Variants in FBXL20 observed in about 807,000 individuals in gnomAD.
The protein encoded by FBXL20 is F-box/LRR-repeat protein 20.
In FBXL20, 11 loss-of-function variants were observed where a neutral mutation model predicts 64.0. The observed-to-expected ratio is 0.17, with a 90% CI of 0.11 to 0.28. FBXL20 has a LOEUF of 0.28. Ranked by LOEUF, FBXL20 falls within the 10% of genes least tolerant of loss-of-function variation. FBXL20 has a pLI of 1.00. For synonymous variants in FBXL20, 184 were observed against 189.0 expected (o/e 0.97, Z 0.22); for missense variants, 303 against 526.2 (o/e 0.58, Z 4.15).
At chr17:39,402,187 C>T (rs2048254747), upstream of FBXL20, 26 of 1,232,504 alleles carry the variant, frequency 2.1e-5, no homozygotes, top group Non-Finnish European at 2.5e-5. Flanking sequence ...GCCTTGAACC[C>T]AAAGTGCAGC....
intron 2 of FBXL20, among the ~76,000 whole-genome samples, chr17:39,337,549 T>C (rs2047536451): frequency 6.7e-6 from 1 of 149,238 alleles, no homozygotes; most frequent in Admixed American, 6.7e-5. Context: ...GGAGCGCCTC[T>C]GCCCCGCCGC....
At chr17:39,307,679 T>TA (rs980885135) in intron 2 of FBXL20, among the ~76,000 whole-genome samples, 70 of 151,820 alleles carry the variant, frequency 4.6e-4, no homozygotes, top group Admixed American at 7.2e-4. Flanking sequence ...CAGAATATGT[T>TA]AAAAAAAAGA....
Position 39,302,268 on chromosome 17 carries a change from G to C in FBXL20, c.160-1193C>G, listed in dbSNP as rs118120345. The stretch of plus-strand genomic sequence containing the variant: ...ACTGTCACCTGGGATGGAGTGCAGT[G>C]GCTCAATCATGGGTCACTTGCAGCC... On this transcript the variant is annotated intron_variant, in intron 3 of 14. Coordinates refer to ENST00000264658, the MANE Select transcript of FBXL20 (RefSeq NM_032875.3). Among the ~76,000 whole-genome samples the C allele has an allele frequency of 4.1e-3, 623 of 152,014 alleles. 16 individuals are homozygous for C. Among genetic ancestry groups the C allele is most frequent in the Admixed American group, 0.029 (446 of 15,252 alleles).
intron 1 of FBXL20, among the ~76,000 whole-genome samples, chr17:39,359,257 G>C (rs1379001092): frequency 6.6e-6 from 1 of 152,158 alleles, no homozygotes; most frequent in Admixed American, 6.5e-5. Context: ...AATGGCTTGA[G>C]TCCAGGAGGT....
intron 4 of FBXL20, 142 bp from the exon 5 acceptor site, chr17:39,299,226 T>C: frequency 1.6e-6 from 1 of 618,518 alleles, no homozygotes; most frequent in Non-Finnish European, 2.8e-6. Context: ...TAACTTACCC[T>C]GAGAAAGCTT....
At chr17:39,272,701 C>CAAAAAAAAAAAAAAAAAAAAAAAAAA (rs56138431) in intron 10 of FBXL20, among the ~76,000 whole-genome samples, 1 of 98,880 alleles carries the variant, frequency 1.0e-5, no homozygotes, top group African/African-American at 3.7e-5. Flanking sequence ...AACTCTATCT[C>CAAAAAAAAAAAAAAAAAAAAAAAAAA]AAAAAAAAAA....
chr17:39,386,555 C>T (rs1445175320), intron 1 of FBXL20, among the ~76,000 whole-genome samples: 2 of 152,056 alleles, frequency 1.3e-5, no homozygotes, highest in South Asian at 2.1e-4. Flanking sequence ...ACCCGGGAGG[C>T]GGAGGTTGCA....
chr17:39,374,255 G>A (rs1410109724), intron 1 of FBXL20, among the ~76,000 whole-genome samples: 1 of 150,372 alleles, frequency 6.7e-6, no homozygotes, highest in Admixed American at 6.7e-5. Context: ...AAGACCAGTC[G>A]GAATGGCTCA....
At chr17:39,359,304 C>G (rs1346217754) in intron 1 of FBXL20, among the ~76,000 whole-genome samples, 1 of 152,140 alleles carries the variant, frequency 6.6e-6, no homozygotes, top group Non-Finnish European at 1.5e-5. Context: ...CAACTTCACT[C>G]CAGCCTGAGC....
Position 39,401,360 on chromosome 17 carries a change from C to T in FBXL20, c.42+1G>A. On this transcript the variant is annotated splice_donor_variant, in intron 1 of 14. Transcript: ENST00000264658. LOFTEE classifies it high-confidence loss of function. ...GCCGCCCGAGCCCCCCAAGCTCACA[C>T]CTCAAACCTGCTCTTGGTCACTCCG... The T allele has an allele frequency of 6.2e-7, 1 of 1,613,108 alleles. No individual in the cohort carries two copies. The highest frequency in any genetic ancestry group is 8.5e-7 in the Non-Finnish European group (1 of 1,179,572).
Position 39,301,178 on chromosome 17 carries a change from T to C in FBXL20, c.160-103A>G, listed in dbSNP as rs1416897417. 1.8e-5 allele frequency: 18 copies of C among 1,007,058 alleles called. No individual in the cohort carries two copies. In the East Asian group the frequency reaches 2.0e-4, roughly 11 times the overall value. The allele number at this position is 1,007,058 out of a possible 1,614,324, so 62.4% of individuals were successfully genotyped here. A position where few individuals can be genotyped will look rare whatever the true frequency, so the allele number is the denominator to read the frequency against. On this transcript the variant is annotated intron_variant, in intron 3 of 14. Coordinates refer to ENST00000264658, the MANE Select transcript of FBXL20 (RefSeq NM_032875.3). Reference sequence around the variant, plus strand: ...TCAACCAACTAATGACTAAAATGGATCCAAAAATTTATCAGGCCCTATCCA... The same window carrying C: ...TCAACCAACTAATGACTAAAATGGACCCAAAAATTTATCAGGCCCTATCCA...
chr17:39,343,144 C>T (rs758326534), intron 2 of FBXL20, 36 bp downstream of exon 2: 15 of 1,502,048 alleles, frequency 1.0e-5, no homozygotes, highest in African/African-American at 1.5e-5. Context: ...ATGACATACA[C>T]ATAAAAAAAC....
chr17:39,263,611 A>G (rs982347724), intron 14 of FBXL20, among the ~76,000 whole-genome samples: 1 of 152,062 alleles, frequency 6.6e-6, no homozygotes, highest in South Asian at 2.1e-4. Context: ...GGAGGATCTT[A>G]AGCCTAGGAG....
At chr17:39,385,467 G>GT (rs886211932) in intron 1 of FBXL20, among the ~76,000 whole-genome samples, 7 of 152,244 alleles carry the variant, frequency 4.6e-5, no homozygotes, top group Non-Finnish European at 1.0e-4. Flanking sequence ...TAAAGCAACA[G>GT]TTTAACCTCC....
intron 6 of FBXL20, among the ~76,000 whole-genome samples, chr17:39,286,548 T>G (rs1188193769): frequency 6.6e-6 from 1 of 152,146 alleles, no homozygotes; most frequent in African/African-American, 2.4e-5. Context: ...TTAAATATTT[T>G]TATTTCTTGG....
rs2046703969 is a variant in FBXL20 at position 39,257,230 on chromosome 17, C to A, written c.*4230G>T. 1 of 152,184 alleles carries A rather than the reference C, an allele frequency of 6.6e-6. No individual in the cohort carries two copies. The highest frequency in any genetic ancestry group is 1.5e-5 in the Non-Finnish European group (1 of 68,042). 9.4% of individuals were successfully genotyped at this position (152,184 alleles called of 1,614,324 possible). ...AACTCCTGACCTTGTGATCCACCCACCGTGCCGGGCCATAACAATGCATTT... is the reference window on the plus strand; with the variant it reads ...AACTCCTGACCTTGTGATCCACCCAACGTGCCGGGCCATAACAATGCATTT... On this transcript the variant is annotated 3_prime_UTR_variant, in exon 15 of 15. Transcript: ENST00000264658.
chr17:39,269,364 T>C (rs925057166), intron 11 of FBXL20, among the ~76,000 whole-genome samples: 2 of 151,850 alleles, frequency 1.3e-5, no homozygotes, highest in Admixed American at 6.6e-5. Context: ...TGGCTAATTT[T>C]TTGCATTTTT....
chr17:39,290,979 T>TA (rs1303600713), intron 6 of FBXL20, among the ~76,000 whole-genome samples: 5 of 151,328 alleles, frequency 3.3e-5, no homozygotes, highest in South Asian at 2.1e-4. Flanking sequence ...TTTTTTTTTT[T>TA]AAGACAGAGT....
rs899126599 is a variant in FBXL20, at chr17:39,261,336, A to G, written c.*124T>C. The G allele has an allele frequency of 2.2e-5, 17 of 786,268 alleles. No individual in the cohort carries two copies. Among genetic ancestry groups the G allele is most frequent in the Non-Finnish European group, 3.4e-5 (15 of 442,464 alleles). The allele number at this position is 786,268 out of a possible 1,614,324, so 48.7% of individuals were successfully genotyped here. A position where few individuals can be genotyped will look rare whatever the true frequency, so the allele number is the denominator to read the frequency against. On this transcript the variant is annotated 3_prime_UTR_variant, in exon 15 of 15. Coordinates refer to ENST00000264658, the MANE Select transcript of FBXL20 (RefSeq NM_032875.3). ...TATGTGTGGCTCTGGGGATCTGGAC[A>G]CTGCCCTCCCTCACTTTGTAACCCT...
Sources: gnomAD v4.1 joint callset for allele counts (sites outside exome capture counted in the v4.1 genomes callset) on GRCh38, gnomAD v4.1.1 for gene constraint, MANE v1.5 for transcripts, NCBI Gene and HGNC (gene_info 2026-07-23, HGNC 2026-07-21) for gene names.